PPP2R2C: variants seen among roughly 807,000 people sequenced by gnomAD.
The protein encoded by PPP2R2C is protein phosphatase 2 regulatory subunit Bgamma, also known as protein phosphatase 2, regulatory subunit B, gamma.
Under a neutral mutation model 45.3 loss-of-function variants are expected in PPP2R2C, and 10 were observed. That is an observed-to-expected ratio of 0.22 (90% CI 0.14 to 0.37). The LOEUF (loss-of-function observed/expected upper bound fraction) is 0.37, where lower values mean the gene tolerates loss of function less well. Among genes scored for constraint, PPP2R2C ranks in the 10% least tolerant of loss-of-function variants. PPP2R2C has a pLI of 1.00. For synonymous variants in PPP2R2C, 257 were observed against 245.4 expected (o/e 1.05, Z -0.44); for missense variants, 308 against 619.7 (o/e 0.50, Z 5.34).
chr4:6,364,330 C>T lies in PPP2R2C; in HGVS notation c.625+8193G>A, dbSNP rs2109273533. Reference sequence around the variant, plus strand: ...AGAGCAGGGGGCCGGGAACGCTGAGCCCAGGGAGCAAAGGGAGAGAGGAGG... The same window carrying T: ...AGAGCAGGGGGCCGGGAACGCTGAGTCCAGGGAGCAAAGGGAGAGAGGAGG... On this transcript the variant is annotated intron_variant, in intron 5 of 8. Transcript: ENST00000382599. The surrounding 1 kb of genome is among the most constrained non-coding windows in gnomAD (Gnocchi z 5.3). Among the ~76,000 whole-genome samples, 1 of 152,146 alleles carries T rather than the reference C, an allele frequency of 6.6e-6. No individual in the cohort carries two copies. Among genetic ancestry groups the T allele is most frequent in the East Asian group, 1.9e-4 (1 of 5,194 alleles).
chr4:6,383,987 T>A (rs1716044652), intron 1 of PPP2R2C: 2 of 985,774 alleles, frequency 2.0e-6, no homozygotes, highest in African/African-American at 3.5e-5. Flanking sequence ...GACGTATCCA[T>A]CCATCCATCA....
At chr4:6,532,072 G>T (rs1344614666) in intron 2 of PPP2R2C, among the ~76,000 whole-genome samples, 2 of 152,214 alleles carry the variant, frequency 1.3e-5, no homozygotes, top group Non-Finnish European at 2.9e-5. Flanking sequence ...TTGTCAGGAA[G>T]GTTTAGCCAT....
chr4:6,544,009 C>T (rs1160853328), intron 1 of PPP2R2C, among the ~76,000 whole-genome samples: 1 of 152,168 alleles, frequency 6.6e-6, no homozygotes, highest in Non-Finnish European at 1.5e-5. Flanking sequence ...GCTCAAGTCC[C>T]CAGAGTGGAC....
At position 6,376,074 on chromosome 4, in the gene PPP2R2C, C is replaced by G. The variant is rs904530277; in HGVS notation, c.335-143G>C. On this transcript the variant is annotated intron_variant, in intron 3 of 8. Coordinates refer to ENST00000382599, the MANE Select transcript of PPP2R2C (RefSeq NM_020416.4). ...AACAGACGGCTTTGGACCAGAACTGCAGCTCTGTCTCGAGGCCTCCAGCCT... is the reference window on the plus strand; with the variant it reads ...AACAGACGGCTTTGGACCAGAACTGGAGCTCTGTCTCGAGGCCTCCAGCCT... 3.5e-5 allele frequency: 24 copies of G among 686,790 alleles called. 1 individual carries two copies. In the African/African-American group the frequency reaches 3.6e-4, roughly 10 times the overall value. 42.5% of individuals were successfully genotyped at this position (686,790 alleles called of 1,614,324 possible).
chr4:6,554,948 A>AAGGAAGGAAGGG, intron 1 of PPP2R2C, among the ~76,000 whole-genome samples: 1 of 142,732 alleles, frequency 7.0e-6, no homozygotes, highest in South Asian at 2.4e-4. Flanking sequence ...AGAAAGAAAG[A>AAGGAAGGAAGGG]AAGAAAGAAA....
At chr4:6,391,461 C>T (rs1291480707) in intron 1 of PPP2R2C, among the ~76,000 whole-genome samples, 1 of 152,234 alleles carries the variant, frequency 6.6e-6, no homozygotes, top group African/African-American at 2.4e-5. Context: ...CTTAATATCA[C>T]CTCCCCTGAG....
chr4:6,377,669 GA>G (rs1407008780), intron 3 of PPP2R2C, among the ~76,000 whole-genome samples: 1 of 151,598 alleles, frequency 6.6e-6, no homozygotes, highest in Admixed American at 6.6e-5. Context: ...CTCAAAAAAA[GA>G]AAAAAAAGAA....
At chr4:6,424,125 A>C (rs1436890854) in intron 1 of PPP2R2C, among the ~76,000 whole-genome samples, 1 of 152,172 alleles carries the variant, frequency 6.6e-6, no homozygotes, top group East Asian at 1.9e-4. Context: ...GATTAGGAGG[A>C]AGGGGCTGCC....
chr4:6,456,320 T>C (rs917465694), intron 1 of PPP2R2C, among the ~76,000 whole-genome samples: 1 of 139,110 alleles, frequency 7.2e-6, no homozygotes, highest in Admixed American at 7.1e-5. Flanking sequence ...CCCCCCCCCC[T>C]TTATTCTACT....
chr4:6,335,511 C>G (rs1214540473), intron 6 of PPP2R2C, among the ~76,000 whole-genome samples: 1 of 152,212 alleles, frequency 6.6e-6, no homozygotes, highest in East Asian at 1.9e-4. Flanking sequence ...CACGCAGGAT[C>G]TCATGGGCCA....
At chr4:6,461,126 G>C (rs1032319707) in intron 1 of PPP2R2C, among the ~76,000 whole-genome samples, 1 of 152,154 alleles carries the variant, frequency 6.6e-6, no homozygotes, top group Non-Finnish European at 1.5e-5. Context: ...ACTCAGCTCA[G>C]ACATCGCCTC....
intron 2 of PPP2R2C, among the ~76,000 whole-genome samples, chr4:6,511,560 G>A (rs959357199): frequency 9.5e-6 from 1 of 104,940 alleles, no homozygotes; most frequent in Admixed American, 9.8e-5. Context: ...TGGTGGTGGT[G>A]GTGGTGGTGG....
At chr4:6,475,030 G>T (rs1342625169), upstream of PPP2R2C, among the ~76,000 whole-genome samples, 1 of 152,236 alleles carries the variant, frequency 6.6e-6, no homozygotes, top group East Asian at 1.9e-4. Context: ...GTGTAGGCAT[G>T]TTCCCAGCAC....
In PPP2R2C at chr4:6,563,256, G is replaced by T. The variant is rs887226207; in HGVS notation, c.-59+304C>A. ...CGCGGCGAGCAAGTGCTGGAGGCAGGGTTCCAAGCCGGTTCTGTCGGGTTC... is the reference window on the plus strand; with the variant it reads ...CGCGGCGAGCAAGTGCTGGAGGCAGTGTTCCAAGCCGGTTCTGTCGGGTTC... On this transcript the variant is annotated intron_variant, in intron 1 of 9. Coordinates refer to the PPP2R2C transcript ENST00000506140. The surrounding 1 kb of genome is among the most constrained non-coding windows in gnomAD (Gnocchi z 5.8). Among the ~76,000 whole-genome samples the T allele has an allele frequency of 6.6e-6, 1 of 152,208 alleles. No individual in the cohort carries two copies. Among genetic ancestry groups the T allele is most frequent in the Non-Finnish European group, 1.5e-5 (1 of 68,028 alleles).
chr4:6,329,529 T>A lies in PPP2R2C; in HGVS notation c.961-176A>T, dbSNP rs2109162926. On this transcript the variant is annotated intron_variant, in intron 7 of 8. Transcript: ENST00000382599. This position sits in a 1 kb window ranked among gnomAD's most constrained non-coding sequence, Gnocchi z 5.8. ...ACACAGCCCGACACAGCCCTGCTCATCTCATCGGGAGGCCCATGACCAGGC... is the reference window on the plus strand; with the variant it reads ...ACACAGCCCGACACAGCCCTGCTCAACTCATCGGGAGGCCCATGACCAGGC... Among the ~76,000 whole-genome samples, 1 of 152,112 alleles carries A rather than the reference T, an allele frequency of 6.6e-6. No individual in the cohort carries two copies. The highest frequency in any genetic ancestry group is 2.1e-4 in the South Asian group (1 of 4,816).
intron 1 of PPP2R2C, among the ~76,000 whole-genome samples, chr4:6,561,554 T>C (rs904625617): frequency 6.6e-6 from 1 of 152,160 alleles, no homozygotes; most frequent in African/African-American, 2.4e-5. Flanking sequence ...ATGCTGGTGA[T>C]CATGCATTCA....
intron 1 of PPP2R2C, among the ~76,000 whole-genome samples, chr4:6,407,590 G>A (rs1035632718): frequency 3.9e-5 from 6 of 152,016 alleles, no homozygotes; most frequent in Non-Finnish European, 7.4e-5. Flanking sequence ...TAGTAGAGAC[G>A]GGGTTTCACC....
At chr4:6,521,999 G>A (rs1445445617) in intron 2 of PPP2R2C, among the ~76,000 whole-genome samples, 1 of 152,130 alleles carries the variant, frequency 6.6e-6, no homozygotes, top group Non-Finnish European at 1.5e-5. Flanking sequence ...ATGGCTTTGG[G>A]GGCCATGACA....
intron 2 of PPP2R2C, among the ~76,000 whole-genome samples, chr4:6,529,051 C>T (rs1478706719): frequency 6.6e-6 from 1 of 152,244 alleles, no homozygotes; most frequent in Non-Finnish European, 1.5e-5. Context: ...AGGTTCAGAG[C>T]AGCCCAGAGC....
Sources: allele counts gnomAD v4.1 joint callset (sites outside exome capture counted in the v4.1 genomes callset), GRCh38; gene constraint gnomAD v4.1.1; non-coding constraint Gnocchi (gnomAD v3.1); transcripts MANE v1.5; gene names NCBI Gene and HGNC (gene_info 2026-07-23, HGNC 2026-07-21).